Variants in SMCHD1 observed in about 807,000 individuals in gnomAD.
The protein encoded by SMCHD1 is structural maintenance of chromosomes flexible hinge domain containing 1, also known as structural maintenance of chromosomes flexible hinge domain-containing protein 1.
In SMCHD1, 78 loss-of-function variants were observed where a neutral mutation model predicts 254.7. The observed-to-expected ratio is 0.31, with a 90% CI of 0.26 to 0.37. The LOEUF (loss-of-function observed/expected upper bound fraction) is 0.37. SMCHD1 is among the 10% of genes least tolerant of loss of function. The probability of loss-of-function intolerance (pLI) is 1.00; values close to 1 mark genes in which losing one functional copy is unlikely to be tolerated. For missense variants in SMCHD1, 1,840 were observed against 2,408.1 expected (o/e 0.76, Z 4.94); for synonymous variants, 766 against 794.9 (o/e 0.96, Z 0.61).
intron 25 of SMCHD1, among the ~76,000 whole-genome samples, chr18:2,737,978 T>C (rs55883908): frequency 0.049 from 7,423 of 152,262 alleles, 561 homozygotes; most frequent in African/African-American, 0.17. Context: ...AAACTTCTTT[T>C]TTCTCACCTT....
In SMCHD1 at chr18:2,700,504, A is replaced by G. The variant is rs1339750424; in HGVS notation, c.1343-35A>G. On this transcript the variant is annotated intron_variant, in intron 10 of 47. Transcript: ENST00000320876. ...TTTCATTATTTCTCACATTTTAGCAATAAACATTTTGTTCCATTTGCCCTT... is the reference window on the plus strand; with the variant it reads ...TTTCATTATTTCTCACATTTTAGCAGTAAACATTTTGTTCCATTTGCCCTT... The G allele has an allele frequency of 3.2e-6, 5 of 1,570,404 alleles. No homozygotes were observed. The South Asian group carries it at 5.9e-5, about 18-fold the overall frequency.
chr18:2,694,153 AC>A (rs1371969525), intron 7 of SMCHD1, among the ~76,000 whole-genome samples: 5 of 152,186 alleles, frequency 3.3e-5, no homozygotes, highest in African/African-American at 1.2e-4. Flanking sequence ...ATTGGTCCTG[AC>A]CAAGTTAAGT....
At chr18:2,757,590 G>A (rs2075705594) in intron 34 of SMCHD1, among the ~76,000 whole-genome samples, 1 of 152,018 alleles carries the variant, frequency 6.6e-6, no homozygotes, top group Non-Finnish European at 1.5e-5. Flanking sequence ...ACTGAATTGT[G>A]AAATTTAGTT....
rs757711021 is a variant in SMCHD1 at position 2,804,699 on chromosome 18, A to T, written c.*2147A>T. ...TCAGCATATTAAGGAATCCTTTTCT[A>T]CATTTGAGCAAATACTGAGGTTCAT... On this transcript the variant is annotated 3_prime_UTR_variant, in exon 48 of 48. Transcript: ENST00000320876. 6.6e-6 allele frequency: 1 copy of T among 152,202 alleles called. No homozygotes were observed. The highest frequency in any genetic ancestry group is 2.4e-5 in the African/African-American group (1 of 41,456). 9.4% of individuals were successfully genotyped at this position (152,202 alleles called of 1,614,324 possible).
At chr18:2,802,032 T>A (rs1318079) in intron 47 of SMCHD1, among the ~76,000 whole-genome samples, 43,220 of 151,646 alleles carry the variant, frequency 0.29, 6,302 homozygotes, top group East Asian at 0.45. Context: ...TTCAGGGAAC[T>A]ATTAGAAAAT....
chr18:2,771,915 GAAAAT>G (rs1568357219), intron 40 of SMCHD1, among the ~76,000 whole-genome samples: 1 of 152,052 alleles, frequency 6.6e-6, no homozygotes, highest in Non-Finnish European at 1.5e-5. Context: ...CAAAATAAGA[GAAAAT>G]AAAAAGCAAT....
At chr18:2,792,223 A>G (rs142972447) in intron 45 of SMCHD1, among the ~76,000 whole-genome samples, 4 of 152,352 alleles carry the variant, frequency 2.6e-5, no homozygotes, top group Non-Finnish European at 2.9e-5. Context: ...CAGTGGTCCC[A>G]TAAGATTATA....
intron 26 of SMCHD1, among the ~76,000 whole-genome samples, chr18:2,739,196 G>A (rs1413099412): frequency 1.3e-5 from 2 of 152,126 alleles, no homozygotes; most frequent in Non-Finnish European, 2.9e-5. Context: ...TAAATACTGT[G>A]ACTTAACATG....
At chr18:2,666,460 T>A (rs1304426426) in intron 2 of SMCHD1, among the ~76,000 whole-genome samples, 1 of 152,250 alleles carries the variant, frequency 6.6e-6, no homozygotes, top group Non-Finnish European at 1.5e-5. Context: ...AGAAGATGAT[T>A]CTGCCTAGCA....
At position 2,718,085 on chromosome 18, in the gene SMCHD1, A is replaced by T; in HGVS notation, c.2261-73A>T. On this transcript the variant is annotated intron_variant, in intron 17 of 47. Transcript: ENST00000320876. This position sits in a 1 kb window ranked among gnomAD's most constrained non-coding sequence, Gnocchi z 4.6. ...TACAGCAAATAGGTATTTGGTGCCAATGTGACATTGCGTATTTCATGTTTT... is the reference window on the plus strand; with the variant it reads ...TACAGCAAATAGGTATTTGGTGCCATTGTGACATTGCGTATTTCATGTTTT... 2 of 1,172,486 alleles carry T rather than the reference A, an allele frequency of 1.7e-6. No individual in the cohort carries two copies. Among genetic ancestry groups the T allele is most frequent in the Non-Finnish European group, 2.4e-6 (2 of 817,582 alleles). 72.6% of individuals were successfully genotyped at this position (1,172,486 alleles called of 1,614,324 possible). A position where few individuals can be genotyped will look rare whatever the true frequency, so the allele number is the denominator to read the frequency against.
At chr18:2,691,617 CAG>C (rs1481006682) in intron 7 of SMCHD1, 1 of 152,240 alleles carries the variant, frequency 6.6e-6, no homozygotes, top group Non-Finnish European at 1.5e-5. Context: ...GTAAAGGAAA[CAG>C]ACCATCCTGG....
At chr18:2,665,898 G>A (rs1037780388) in intron 1 of SMCHD1, among the ~76,000 whole-genome samples, 33 of 151,928 alleles carry the variant, frequency 2.2e-4, no homozygotes, top group Admixed American at 1.3e-3. Context: ...CTTTTAAAAC[G>A]TTCCACCTAA....
intron 7 of SMCHD1, among the ~76,000 whole-genome samples, chr18:2,692,749 T>C (rs543419420): frequency 6.6e-6 from 1 of 152,352 alleles, no homozygotes; most frequent in Admixed American, 6.5e-5. Context: ...CCTCTGTAGC[T>C]CTTGGTTCAT....
chr18:2,706,705 T>C, intron 15 of SMCHD1: 1 of 375,610 alleles, frequency 2.7e-6, no homozygotes, highest in Non-Finnish European at 4.9e-6. Flanking sequence ...GTGTCACTTT[T>C]ATAGGCACTA....
intron 1 of SMCHD1, 117 bp downstream of exon 1, chr18:2,656,378 C>T (rs997060108): frequency 1.7e-5 from 17 of 975,436 alleles, no homozygotes; most frequent in Non-Finnish European, 2.3e-5. Context: ...GTCCTGCGGC[C>T]TTGGCTTCCC....
At chr18:2,695,835 A>C (rs1281863544) in intron 8 of SMCHD1, among the ~76,000 whole-genome samples, 1 of 152,150 alleles carries the variant, frequency 6.6e-6, no homozygotes, top group Non-Finnish European at 1.5e-5. Flanking sequence ...TTATGGGAAA[A>C]TAAATTTGGT....
At chr18:2,741,291 A>G (rs1431433989) in intron 28 of SMCHD1, among the ~76,000 whole-genome samples, 2 of 152,210 alleles carry the variant, frequency 1.3e-5, no homozygotes, top group African/African-American at 4.8e-5. Flanking sequence ...AAAACAAACA[A>G]GCATGCTGTA....
At chr18:2,667,910 C>T (rs2143811043) in intron 3 of SMCHD1, among the ~76,000 whole-genome samples, 1 of 152,158 alleles carries the variant, frequency 6.6e-6, no homozygotes, top group South Asian at 2.1e-4. Context: ...GACAGAGTCT[C>T]TCTCTGTCAC....
intron 1 of SMCHD1, among the ~76,000 whole-genome samples, chr18:2,660,973 A>G (rs2073233686): frequency 6.6e-6 from 1 of 152,194 alleles, no homozygotes; most frequent in African/African-American, 2.4e-5. Flanking sequence ...TGTGGCACAT[A>G]TACACCATGG....
Sources: gnomAD v4.1 joint callset for allele counts (sites outside exome capture counted in the v4.1 genomes callset) on GRCh38, gnomAD v4.1.1 for gene constraint, Gnocchi (gnomAD v3.1) non-coding constraint, MANE v1.5 for transcripts, NCBI Gene and HGNC (gene_info 2026-07-23, HGNC 2026-07-21) for gene names.